The following FOXP2 variants were observed in gnomAD, a reference collection of about 807,000 sequenced individuals.
FOXP2 encodes the protein forkhead box P2.
A neutral mutation model predicts 115.8 loss-of-function variants in FOXP2; 12 were observed. The ratio of observed to expected loss-of-function variants is 0.10; its 90% CI spans 0.07 to 0.17. The LOEUF is 0.17. Ranked by LOEUF, FOXP2 falls within the 10% of genes least tolerant of loss-of-function variation. The pLI is 1.00. For synonymous variants in FOXP2, 328 were observed against 297.7 expected (o/e 1.10, Z -1.05); for missense variants, 629 against 843.5 (o/e 0.75, Z 3.15).
upstream of FOXP2, among the ~76,000 whole-genome samples, chr7:114,409,375 A>G (rs1310075155): frequency 1.3e-5 from 2 of 152,178 alleles, no homozygotes; most frequent in Non-Finnish European, 2.9e-5. Flanking sequence ...AGAGCATATA[A>G]CAAGAACTTA....
chr7:114,613,742 A>G (rs994254931), intron 3 of FOXP2: 5 of 151,398 alleles, frequency 3.3e-5, no homozygotes, highest in Non-Finnish European at 7.4e-5. Context: ...AGACATAAAG[A>G]GTCTCCTTGT....
intron 1 of FOXP2, among the ~76,000 whole-genome samples, chr7:114,119,240 T>C (rs1282363070): frequency 1.3e-5 from 2 of 152,098 alleles, no homozygotes; most frequent in Non-Finnish European, 2.9e-5. Flanking sequence ...AGTGACAAAA[T>C]ACTTGCTGTA....
chr7:114,440,844 A>C (rs1286623656), intron 2 of FOXP2, among the ~76,000 whole-genome samples: 2 of 152,210 alleles, frequency 1.3e-5, no homozygotes, highest in African/African-American at 4.8e-5. Flanking sequence ...ATAATTTATC[A>C]AAATTACCTG....
At chr7:114,326,081 G>A (rs774198018) in intron 2 of FOXP2, among the ~76,000 whole-genome samples, 20 of 152,202 alleles carry the variant, frequency 1.3e-4, no homozygotes, top group East Asian at 9.7e-4. Context: ...TGCATTTGTC[G>A]TTAGAATTAG....
intron 1 of FOXP2, among the ~76,000 whole-genome samples, chr7:114,277,274 T>A (rs1044380728): frequency 3.3e-5 from 5 of 152,122 alleles, no homozygotes; most frequent in Non-Finnish European, 7.4e-5. Flanking sequence ...AAAAAGGGTA[T>A]CCCCAAAACA....
At chr7:114,530,379 T>G (rs566612264) in intron 2 of FOXP2, among the ~76,000 whole-genome samples, 1 of 151,926 alleles carries the variant, frequency 6.6e-6, no homozygotes, top group South Asian at 2.1e-4. Flanking sequence ...CGCTGTGCTG[T>G]TTATACATTG....
intron 2 of FOXP2, among the ~76,000 whole-genome samples, chr7:114,450,047 T>C (rs890096714): frequency 2.5e-4 from 38 of 152,052 alleles, no homozygotes; most frequent in African/African-American, 8.4e-4. Flanking sequence ...TGATTCCAGA[T>C]TCTAGATTTT....
chr7:114,208,960 T>C lies in FOXP2; in HGVS notation c.-102+45872T>C, dbSNP rs143649287. The stretch of plus-strand genomic sequence containing the variant: ...AAACAGACTAATACAAAGGGCATGA[T>C]TGTGTTTTGATTTGTGAGTAGAGGA... On this transcript the variant is annotated intron_variant, in intron 1 of 17. Coordinates refer to the FOXP2 transcript ENST00000634411. Among the ~76,000 whole-genome samples the C allele has an allele frequency of 4.6e-5, 7 of 151,948 alleles. No homozygotes were observed. In the East Asian group the frequency reaches 1.2e-3, roughly 25 times the overall value.
intron 3 of FOXP2, among the ~76,000 whole-genome samples, chr7:114,551,286 G>C (rs553079412): frequency 6.6e-6 from 1 of 152,214 alleles, no homozygotes; most frequent in East Asian, 1.9e-4. Flanking sequence ...AGGTACCATA[G>C]GGGATTCAAA....
chr7:114,123,931 A>G (rs1256241009), intron 1 of FOXP2, among the ~76,000 whole-genome samples: 1 of 152,040 alleles, frequency 6.6e-6, no homozygotes, highest in Admixed American at 6.6e-5. Flanking sequence ...ATATTAAAAA[A>G]CTTTTGACAA....
chr7:114,482,942 G>T lies in FOXP2; in HGVS notation c.169-51675G>T, dbSNP rs188275576. Among the ~76,000 whole-genome samples the T allele has an allele frequency of 7.3e-5, 11 of 151,618 alleles. No individual in the cohort carries two copies. The East Asian group carries it at 1.9e-3, about 27-fold the overall frequency. ...CTTGTCAAATCTTTCTCCCAAGTTT[G>T]CCCTTTCACCCTATGATTTTATAAA... On this transcript the variant is annotated intron_variant, in intron 2 of 16. Coordinates refer to ENST00000350908, the MANE Select transcript of FOXP2 (RefSeq NM_014491.4).
At chr7:114,330,573 G>T (rs1242074410) in intron 2 of FOXP2, among the ~76,000 whole-genome samples, 2 of 150,564 alleles carry the variant, frequency 1.3e-5, no homozygotes, top group Non-Finnish European at 3.0e-5. Context: ...GCATCTATTT[G>T]TATGAGTATT....
At position 114,691,794 on chromosome 7, in the gene FOXP2, T is replaced by C. The variant is rs760021288; in HGVS notation, c.*1868T>C. 3.5e-4 allele frequency: 158 copies of C among 453,240 alleles called. No individual in the cohort carries two copies. Among genetic ancestry groups the C allele is most frequent in the Non-Finnish European group, 6.4e-4 (145 of 226,418 alleles). The allele number at this position is 453,240 out of a possible 1,614,324, so 28.1% of individuals were successfully genotyped here. ...CGGTTCTTGCAAACTAAGCTCATCA[T>C]TGATTCTTTGCTGAAGTCAGCAAAT... is the stretch of plus-strand genomic sequence containing the variant. On this transcript the variant is annotated 3_prime_UTR_variant, in exon 17 of 17. Transcript: ENST00000350908.
chr7:114,491,724 C>A (rs1324401788), intron 2 of FOXP2, among the ~76,000 whole-genome samples: 1 of 152,044 alleles, frequency 6.6e-6, no homozygotes, highest in Non-Finnish European at 1.5e-5. Flanking sequence ...TATTGATTTG[C>A]GTATGTTGAA....
intron 6 of FOXP2, among the ~76,000 whole-genome samples, chr7:114,641,235 C>T (rs1805512431): frequency 6.6e-6 from 1 of 152,034 alleles, no homozygotes; most frequent in African/African-American, 2.4e-5. Flanking sequence ...AGCACAAGGT[C>T]TATAAAAAAT....
At chr7:114,177,710 G>A (rs1419505618) in intron 1 of FOXP2, among the ~76,000 whole-genome samples, 3 of 151,704 alleles carry the variant, frequency 2.0e-5, no homozygotes, top group Non-Finnish European at 4.4e-5. Context: ...TATATTTATG[G>A]TGTATGACAT....
At chr7:114,400,607 G>A (rs760499865) in intron 2 of FOXP2, among the ~76,000 whole-genome samples, 2 of 152,240 alleles carry the variant, frequency 1.3e-5, no homozygotes, top group South Asian at 2.1e-4. Flanking sequence ...GACAGGAGTC[G>A]GGTGGGGTCG....
At chr7:114,459,365 A>G (rs1795461237) in intron 2 of FOXP2, among the ~76,000 whole-genome samples, 1 of 152,194 alleles carries the variant, frequency 6.6e-6, no homozygotes, top group South Asian at 2.1e-4. Context: ...ACCCCTGACG[A>G]TGGTATGCTT....
At chr7:114,215,896 G>GT (rs1413066971) in intron 1 of FOXP2, among the ~76,000 whole-genome samples, 1 of 152,086 alleles carries the variant, frequency 6.6e-6, no homozygotes, top group African/African-American at 2.4e-5. Context: ...CAAAATAACT[G>GT]TTTTATTACC....
Sources: allele counts gnomAD v4.1 joint callset (sites outside exome capture counted in the v4.1 genomes callset), GRCh38; gene constraint gnomAD v4.1.1; transcripts MANE v1.5; gene names NCBI Gene and HGNC (gene_info 2026-07-23, HGNC 2026-07-21).